NDUFA5: variants seen among roughly 807,000 people sequenced by gnomAD.
NDUFA5 encodes the protein NADH dehydrogenase [ubiquinone] 1 alpha subcomplex subunit 5.
NDUFA5 carries 11 observed loss-of-function variants against 19.8 expected under a neutral mutation model. The observed-to-expected ratio is 0.56, with a 90% CI of 0.35 to 0.92. The LOEUF is 0.92. Ranked by LOEUF, NDUFA5 falls within the 40% of genes least tolerant of loss-of-function variation. The probability of loss-of-function intolerance (pLI) is 0.01; values close to 1 mark genes in which losing one functional copy is unlikely to be tolerated. For missense variants in NDUFA5, 109 were observed against 134.2 expected (o/e 0.81, Z 0.93); for synonymous variants, 47 against 46.8 (o/e 1.00, Z -0.01).
chr7:123,544,435 T>C (rs1226232462), intron 4 of NDUFA5, among the ~76,000 whole-genome samples: 2 of 146,962 alleles, frequency 1.4e-5, no homozygotes, highest in Non-Finnish European at 3.0e-5. Context: ...GAGGCGGAGG[T>C]TGTGGTGAGC....
At chr7:123,597,602 T>A in the NDUFA5 span, among the ~76,000 whole-genome samples, 12 of 152,000 alleles carry the variant, frequency 7.9e-5, no homozygotes, top group African/African-American at 2.9e-4. Flanking sequence ...GAGGCCAAGG[T>A]GGGCAGATCA....
the NDUFA5 span, among the ~76,000 whole-genome samples, chr7:123,576,148 C>A: frequency 3.5e-4 from 53 of 150,402 alleles, no homozygotes; most frequent in East Asian, 9.5e-3. Context: ...ATTTTATTTT[C>A]TTATTTTCAT....
At chr7:123,543,277 G>C (rs1053665868) in intron 4 of NDUFA5, among the ~76,000 whole-genome samples, 1 of 152,120 alleles carries the variant, frequency 6.6e-6, no homozygotes, top group African/African-American at 2.4e-5. Context: ...CCATTATAGG[G>C]CATGAGGAGG....
At position 123,550,071 on chromosome 7, in the gene NDUFA5, T is replaced by C. The variant is rs540975954; in HGVS notation, c.183+399A>G. 3 of 179,604 alleles carry C rather than the reference T, an allele frequency of 1.7e-5. No individual in the cohort carries two copies. The South Asian group carries it at 3.8e-4, about 22-fold the overall frequency. The allele number at this position is 179,604 out of a possible 1,614,324, so 11.1% of individuals were successfully genotyped here. On this transcript the variant is annotated intron_variant, in intron 3 of 4. Coordinates refer to ENST00000355749, the MANE Select transcript of NDUFA5 (RefSeq NM_005000.5). ...TATTAACTGCTACTTAATAACAGTC[T>C]AGTCTTTTTGACAGGTTTCTTTGAA...
At chr7:123,571,537 T>A in the NDUFA5 span, among the ~76,000 whole-genome samples, 3 of 152,220 alleles carry the variant, frequency 2.0e-5, no homozygotes, top group Non-Finnish European at 4.4e-5. Flanking sequence ...AGTTTATCTT[T>A]TTATTTGTAG....
At chr7:123,542,764 A>C (rs1173745770) in intron 4 of NDUFA5, among the ~76,000 whole-genome samples, 1 of 152,190 alleles carries the variant, frequency 6.6e-6, no homozygotes, top group Non-Finnish European at 1.5e-5. Context: ...ACAGTGATCT[A>C]TGGAATGTAG....
At chr7:123,558,589 G>A (rs922615523), upstream of NDUFA5, among the ~76,000 whole-genome samples, 1 of 152,128 alleles carries the variant, frequency 6.6e-6, no homozygotes, top group Non-Finnish European at 1.5e-5. Context: ...TAAAAAGCGT[G>A]GGTGACTTTC....
At chr7:123,571,562 C>G in the NDUFA5 span, among the ~76,000 whole-genome samples, 2 of 152,016 alleles carry the variant, frequency 1.3e-5, no homozygotes, top group Non-Finnish European at 2.9e-5. Flanking sequence ...TAAAGTGTAT[C>G]CAAGCCAAAA....
chr7:123,572,847 T>A, the NDUFA5 span, among the ~76,000 whole-genome samples: 1 of 152,132 alleles, frequency 6.6e-6, no homozygotes, highest in Non-Finnish European at 1.5e-5. Flanking sequence ...AAATTTATTA[T>A]GCTTCTCTTT....
the NDUFA5 span, among the ~76,000 whole-genome samples, chr7:123,568,329 G>A: frequency 6.6e-6 from 1 of 151,674 alleles, no homozygotes; most frequent in African/African-American, 2.4e-5. Context: ...CCTGACCAAC[G>A]TGGAGAAACC....
At chr7:123,586,333 T>C in the NDUFA5 span, among the ~76,000 whole-genome samples, 46 of 152,022 alleles carry the variant, frequency 3.0e-4, no homozygotes, top group Non-Finnish European at 6.5e-4. Flanking sequence ...GGATTAATGA[T>C]GTTGAGGACC....
intron 4 of NDUFA5, among the ~76,000 whole-genome samples, chr7:123,542,447 C>CT (rs1163545272): frequency 6.6e-6 from 1 of 152,040 alleles, no homozygotes; most frequent in African/African-American, 2.4e-5. Flanking sequence ...TTGAAATAGG[C>CT]TATAGTGTTT....
chr7:123,597,384 GTTC>G, the NDUFA5 span, among the ~76,000 whole-genome samples: 1 of 152,028 alleles, frequency 6.6e-6, no homozygotes, highest in African/African-American at 2.4e-5. Context: ...TGTTATAATT[GTTC>G]TTCATTATTA....
chr7:123,564,825 TATG>T, the NDUFA5 span, among the ~76,000 whole-genome samples: 1 of 152,002 alleles, frequency 6.6e-6, no homozygotes, highest in African/African-American at 2.4e-5. Context: ...ATTTTTGACT[TATG>T]ATATTTTCAA....
At chr7:123,587,330 T>G in the NDUFA5 span, among the ~76,000 whole-genome samples, 1 of 151,718 alleles carries the variant, frequency 6.6e-6, no homozygotes, top group Non-Finnish European at 1.5e-5. Context: ...TTTATTAAAA[T>G]TTATTTTTCT....
At chr7:123,557,688 A>G (rs1321793270) in intron 1 of NDUFA5, 87 bp downstream of exon 1, 2 of 1,614,036 alleles carry the variant, frequency 1.2e-6, no homozygotes, top group Non-Finnish European at 1.7e-6. Flanking sequence ...CCGCGACAGT[A>G]GGGGTCAACA....
In NDUFA5 at chr7:123,539,497, A is replaced by G. The variant is rs1776469378; in HGVS notation, c.*2622T>C. Reference sequence around the variant, plus strand: ...TGAAGTATCTGCAGTATGATGATTAACTAGAATGAAACCCATGGGAGAACT... The same window carrying G: ...TGAAGTATCTGCAGTATGATGATTAGCTAGAATGAAACCCATGGGAGAACT... On this transcript the variant is annotated 3_prime_UTR_variant, in exon 5 of 5. Transcript: ENST00000355749. The G allele has an allele frequency of 6.6e-6, 1 of 152,222 alleles. No homozygotes were observed. Among genetic ancestry groups the G allele is most frequent in the East Asian group, 1.9e-4 (1 of 5,202 alleles). The allele number at this position is 152,222 out of a possible 1,614,324, so 9.4% of individuals were successfully genotyped here.
chr7:123,557,608 G>C, intron 1 of NDUFA5, 160 bp from the exon 2 acceptor site: 4 of 1,613,214 alleles, frequency 2.5e-6, no homozygotes, highest in Non-Finnish European at 3.4e-6. Flanking sequence ...CCTGACTCTC[G>C]GAGCGGAACC....
chr7:123,578,832 A>G, the NDUFA5 span, among the ~76,000 whole-genome samples: 1 of 152,094 alleles, frequency 6.6e-6, no homozygotes, highest in Non-Finnish European at 1.5e-5. Flanking sequence ...ATTTTTGTCA[A>G]TCTATTTGAA....
Sources: gnomAD v4.1 joint callset for allele counts (sites outside exome capture counted in the v4.1 genomes callset) on GRCh38, gnomAD v4.1.1 for gene constraint, MANE v1.5 for transcripts, NCBI Gene and HGNC (gene_info 2026-07-23, HGNC 2026-07-21) for gene names.